Variants in KIAA1217 observed in about 807,000 individuals in gnomAD.
KIAA1217 encodes the protein KIAA1217.
KIAA1217 carries 88 observed loss-of-function variants against 163.9 expected under a neutral mutation model. That is an observed-to-expected ratio of 0.54 (90% CI 0.45 to 0.64). The LOEUF (loss-of-function observed/expected upper bound fraction) is 0.64. KIAA1217 is among the 30% of genes least tolerant of loss of function. The pLI is 0.00. For synonymous variants in KIAA1217, 903 were observed against 923.1 expected (o/e 0.98, Z 0.39); for missense variants, 2,372 against 2,475.0 (o/e 0.96, Z 0.88).
At chr10:23,956,175 CT>C (rs1252845815) in intron 1 of KIAA1217, among the ~76,000 whole-genome samples, 1 of 152,170 alleles carries the variant, frequency 6.6e-6, no homozygotes, top group African/African-American at 2.4e-5. Context: ...TAATGGCCTT[CT>C]TTTAATCTTC....
intron 1 of KIAA1217, among the ~76,000 whole-genome samples, chr10:23,802,838 A>G (rs960717270): frequency 6.6e-5 from 10 of 152,164 alleles, no homozygotes; most frequent in Non-Finnish European, 1.2e-4. Context: ...TGTGGAGTAG[A>G]TTCTGAGTAA....
chr10:23,710,109 G>C (rs1042135197), intron 1 of KIAA1217, among the ~76,000 whole-genome samples: 1 of 152,218 alleles, frequency 6.6e-6, no homozygotes, highest in Non-Finnish European at 1.5e-5. Flanking sequence ...TGAATGAAGG[G>C]ATGACTCAGA....
chr10:23,733,610 T>C (rs1398986421), intron 1 of KIAA1217, among the ~76,000 whole-genome samples: 2 of 146,238 alleles, frequency 1.4e-5, no homozygotes, highest in Non-Finnish European at 3.0e-5. Flanking sequence ...TTCATATTAT[T>C]TTTGTTGTTA....
chr10:24,339,700 A>G (rs145919384), intron 2 of KIAA1217, among the ~76,000 whole-genome samples: 79 of 152,338 alleles, frequency 5.2e-4, no homozygotes, highest in African/African-American at 1.8e-3. Flanking sequence ...TGGTTAACTC[A>G]ATGAGGATAG....
intron 2 of KIAA1217, among the ~76,000 whole-genome samples, chr10:24,377,090 A>C (rs12217373): frequency 0.17 from 26,196 of 152,096 alleles, 2,718 homozygotes; most frequent in East Asian, 0.37. Context: ...ATGACACCAG[A>C]ATGTCTTCGT....
intron 3 of KIAA1217, among the ~76,000 whole-genome samples, chr10:24,389,166 G>T (rs1321743236): frequency 6.6e-6 from 1 of 152,128 alleles, no homozygotes; most frequent in Non-Finnish European, 1.5e-5. Context: ...GTCCATCAAT[G>T]ATAGACTGGA....
intron 2 of KIAA1217, among the ~76,000 whole-genome samples, chr10:24,079,294 A>G (rs1399269781): frequency 2.6e-5 from 4 of 152,242 alleles, no homozygotes; most frequent in Non-Finnish European, 4.4e-5. Context: ...GAGGCTCAGC[A>G]TCAGGGAAAT....
chr10:23,786,349 T>C (rs1835493005), intron 1 of KIAA1217, among the ~76,000 whole-genome samples: 3 of 151,896 alleles, frequency 2.0e-5, no homozygotes, highest in African/African-American at 7.3e-5. Flanking sequence ...GGAGAGTGAA[T>C]GGGACTTGAG....
chr10:24,356,205 T>C (rs924035813), intron 2 of KIAA1217, among the ~76,000 whole-genome samples: 2 of 152,240 alleles, frequency 1.3e-5, no homozygotes, highest in Non-Finnish European at 2.9e-5. Flanking sequence ...TCATTTGTGC[T>C]TCCTGGAGAC....
chr10:23,918,826 C>G (rs961615052), intron 1 of KIAA1217, among the ~76,000 whole-genome samples: 1 of 151,750 alleles, frequency 6.6e-6, no homozygotes, highest in Non-Finnish European at 1.5e-5. Context: ...ATCCAGAGAG[C>G]AAGTTTGCTG....
At position 24,229,329 on chromosome 10, in the gene KIAA1217, ATAAG is replaced by A. The variant is rs569198993; in HGVS notation, c.354+9424_354+9427del. ...CTAGGCATGTTTTGTAAATAAATAA[ATAAG>A]TAAAAAGTTTAGAAATGGAACTAGA... On this transcript the variant is annotated intron_variant, in intron 2 of 20. Transcript: ENST00000376454. 3.2e-3 allele frequency among the ~76,000 whole-genome samples: 489 copies of A among 152,322 alleles called. 1 individual carries two copies. Among genetic ancestry groups the A allele is most frequent in the African/African-American group, 0.011 (446 of 41,582 alleles).
chr10:24,534,014 T>G (rs568516402), intron 16 of KIAA1217, among the ~76,000 whole-genome samples: 1 of 152,312 alleles, frequency 6.6e-6, no homozygotes, highest in South Asian at 2.1e-4. Flanking sequence ...ATGCTTCTTA[T>G]AGGATTTTTC....
chr10:23,728,921 G>A (rs553615812), intron 1 of KIAA1217, among the ~76,000 whole-genome samples: 26 of 152,210 alleles, frequency 1.7e-4, no homozygotes, highest in Admixed American at 1.5e-3. Flanking sequence ...GAACAGCTTC[G>A]CTGCCCTAGA....
At chr10:23,930,484 C>T (rs1363393056) in intron 1 of KIAA1217, among the ~76,000 whole-genome samples, 1 of 152,162 alleles carries the variant, frequency 6.6e-6, no homozygotes, top group African/African-American at 2.4e-5. Flanking sequence ...TTGCTCTCAA[C>T]TCGGCAGCAG....
intron 5 of KIAA1217, among the ~76,000 whole-genome samples, chr10:24,457,736 T>A (rs1410408800): frequency 6.6e-6 from 1 of 152,090 alleles, no homozygotes; most frequent in Non-Finnish European, 1.5e-5. Context: ...CTCCATAGAT[T>A]ACAAAGCATT....
At chr10:23,854,204 A>G (rs939571341) in intron 1 of KIAA1217, among the ~76,000 whole-genome samples, 8 of 151,840 alleles carry the variant, frequency 5.3e-5, no homozygotes, top group African/African-American at 1.7e-4. Flanking sequence ...AGAGATTCTG[A>G]TATGTTGTGT....
intron 1 of KIAA1217, among the ~76,000 whole-genome samples, chr10:23,934,506 C>CT (rs201429714): frequency 8.5e-4 from 84 of 98,366 alleles, no homozygotes; most frequent in South Asian, 1.7e-3. Context: ...TCTTTCTTTT[C>CT]TTTTTTTTTT....
chr10:24,536,709 C>G, intron 16 of KIAA1217, 65 bp from the exon 17 acceptor site: 1 of 1,559,670 alleles, frequency 6.4e-7, no homozygotes, highest in South Asian at 1.2e-5. Flanking sequence ...TTGTTCCTGC[C>G]TGTTTCCCTC....
chr10:24,544,761 G>A (rs1038100554), intron 19 of KIAA1217, among the ~76,000 whole-genome samples: 3 of 152,146 alleles, frequency 2.0e-5, no homozygotes, highest in Admixed American at 1.3e-4. Context: ...TGTTGAAATG[G>A]TTGCTCTGAT....
Sources: allele counts gnomAD v4.1 joint callset (sites outside exome capture counted in the v4.1 genomes callset), GRCh38; gene constraint gnomAD v4.1.1; transcripts MANE v1.5; gene names NCBI Gene and HGNC (gene_info 2026-07-23, HGNC 2026-07-21).